C8orf34: variants seen among roughly 807,000 people sequenced by gnomAD.
C8orf34 encodes the protein uncharacterized protein C8orf34.
A neutral mutation model predicts 68.3 loss-of-function variants in C8orf34; 65 were observed. The ratio of observed to expected loss-of-function variants is 0.95; its 90% CI spans 0.78 to 1.17. C8orf34 has a LOEUF of 1.17. Among genes scored for constraint, C8orf34 ranks in the 50% most tolerant of loss-of-function variants. The probability of loss-of-function intolerance (pLI) is 0.00; values close to 1 mark genes in which losing one functional copy is unlikely to be tolerated. For synonymous variants in C8orf34, 244 were observed against 241.2 expected, an observed-to-expected ratio of 1.01 and a Z score of -0.11; for missense variants, 664 against 655.4, an observed-to-expected ratio of 1.01 and a Z score of -0.14.
At position 68,801,277 on chromosome 8, in the gene C8orf34, A is replaced by T. The variant is rs117733144; in HGVS notation, c.1549+13741A>T. On this transcript the variant is annotated intron_variant, in intron 12 of 13. Transcript: ENST00000518698. Reference sequence around the variant, plus strand: ...TTTAACAAAAATAAATTTAACATTTAAAAATTAGGAGATCTCAAAAAGTTT... The same window carrying T: ...TTTAACAAAAATAAATTTAACATTTTAAAATTAGGAGATCTCAAAAAGTTT... 3.2e-3 allele frequency among the ~76,000 whole-genome samples: 483 copies of T among 152,314 alleles called. 20 individuals are homozygous for T. In the East Asian group the frequency reaches 0.077, roughly 24 times the overall value.
chr8:68,791,645 A>T (rs1482561376), intron 12 of C8orf34: 3 of 152,262 alleles, frequency 2.0e-5, no homozygotes, highest in Non-Finnish European at 2.9e-5. Context: ...TAAAGAAATA[A>T]TAGCCAAAGT....
At chr8:68,563,711 A>G (rs1404034896) in intron 7 of C8orf34, among the ~76,000 whole-genome samples, 1 of 151,968 alleles carries the variant, frequency 6.6e-6, no homozygotes, top group African/African-American at 2.4e-5. Flanking sequence ...CTCATGTTGT[A>G]TTATGTTGCA....
chr8:68,703,089 T>C (rs1415843219), intron 8 of C8orf34, among the ~76,000 whole-genome samples: 1 of 152,164 alleles, frequency 6.6e-6, no homozygotes, highest in Non-Finnish European at 1.5e-5. Context: ...CTAGTCCATC[T>C]TCCTTAAGTC....
intron 5 of C8orf34, among the ~76,000 whole-genome samples, chr8:68,490,395 G>A (rs1813261041): frequency 6.6e-6 from 1 of 151,964 alleles, no homozygotes; most frequent in Admixed American, 6.6e-5. Flanking sequence ...AATTTTAACT[G>A]TTCTTGGAAC....
intron 1 of C8orf34, among the ~76,000 whole-genome samples, chr8:68,344,050 C>G (rs566107527): frequency 1.3e-5 from 2 of 152,206 alleles, no homozygotes; most frequent in Admixed American, 1.3e-4. Flanking sequence ...TACCAAATAT[C>G]AGTGTTCATA....
chr8:68,503,281 G>A (rs957809861), intron 5 of C8orf34, among the ~76,000 whole-genome samples: 3 of 151,886 alleles, frequency 2.0e-5, no homozygotes, highest in East Asian at 1.9e-4. Context: ...TATTACATTT[G>A]TTTACCAAAA....
intron 8 of C8orf34, among the ~76,000 whole-genome samples, chr8:68,698,604 AAAG>A (rs1418728361): frequency 6.6e-6 from 1 of 152,104 alleles, no homozygotes; most frequent in Non-Finnish European, 1.5e-5. Context: ...TCTATGATTA[AAAG>A]AAGAAATCAG....
chr8:68,395,721 A>G (rs1808677462), intron 1 of C8orf34, among the ~76,000 whole-genome samples: 1 of 152,118 alleles, frequency 6.6e-6, no homozygotes, highest in South Asian at 2.1e-4. Context: ...CATTAGAACT[A>G]TATTATAAGA....
intron 12 of C8orf34, among the ~76,000 whole-genome samples, chr8:68,810,560 C>T (rs1474340571): frequency 6.6e-6 from 1 of 152,178 alleles, no homozygotes; most frequent in African/African-American, 2.4e-5. Context: ...TGTCTCAACC[C>T]TGTTTGTGTT....
At chr8:68,533,928 T>G (rs1815355788) in intron 7 of C8orf34, 2 of 864,956 alleles carry the variant, frequency 2.3e-6, no homozygotes, top group African/African-American at 3.7e-5. Context: ...TTCAAATACT[T>G]TATAACAATA....
chr8:68,336,499 T>C (rs1805857937), intron 1 of C8orf34, among the ~76,000 whole-genome samples: 1 of 152,186 alleles, frequency 6.6e-6, no homozygotes, highest in East Asian at 1.9e-4. Context: ...ATGAACCTTG[T>C]TGTGTTGGAT....
At chr8:68,661,872 C>A (rs1819690272) in intron 8 of C8orf34, among the ~76,000 whole-genome samples, 1 of 151,992 alleles carries the variant, frequency 6.6e-6, no homozygotes, top group Non-Finnish European at 1.5e-5. Flanking sequence ...CAGGACATAC[C>A]ACCCAAAAAT....
chr8:68,771,131 G>A (rs951801033), intron 10 of C8orf34, among the ~76,000 whole-genome samples: 1 of 152,150 alleles, frequency 6.6e-6, no homozygotes, highest in Non-Finnish European at 1.5e-5. Context: ...ATATATGTAG[G>A]TCTGAAAACA....
At chr8:68,349,538 C>A (rs1806422562) in intron 1 of C8orf34, among the ~76,000 whole-genome samples, 2 of 151,714 alleles carry the variant, frequency 1.3e-5, no homozygotes, top group Admixed American at 1.3e-4. Context: ...GGGAAATATT[C>A]CAGTAGGAAT....
rs188518809 is a variant in C8orf34 at position 68,456,034 on chromosome 8, A to G, written c.607+9574A>G. 3.9e-3 allele frequency among the ~76,000 whole-genome samples: 591 copies of G among 151,298 alleles called. 3 individuals are homozygous for G. The highest frequency in any genetic ancestry group is 0.016 in the Admixed American group (242 of 15,164). On this transcript the variant is annotated intron_variant, in intron 3 of 13. Coordinates refer to ENST00000518698, the MANE Select transcript of C8orf34 (RefSeq NM_052958.4). ...GTGGAGGCAGGTGGATCACGAGGTC[A>G]GGAGATTGAGACCATCCTGGCTAAC...
rs1033658895 is a variant in C8orf34, at chr8:68,601,761, A to G, written c.1106-38615A>G. Among the ~76,000 whole-genome samples, 3 of 151,996 alleles carry G rather than the reference A, an allele frequency of 2.0e-5. No homozygotes were observed. The South Asian group carries it at 6.2e-4, about 32-fold the overall frequency. On this transcript the variant is annotated intron_variant, in intron 7 of 13. Transcript: ENST00000518698. Reference sequence around the variant, plus strand: ...TCTCTTGGGTGTCTTTTCTCATTCAAGTTGTGATTTTCCTGATTCTTGGTA... The same window carrying G: ...TCTCTTGGGTGTCTTTTCTCATTCAGGTTGTGATTTTCCTGATTCTTGGTA...
chr8:68,628,134 C>T (rs1818590603), intron 7 of C8orf34, among the ~76,000 whole-genome samples: 2 of 152,150 alleles, frequency 1.3e-5, no homozygotes, highest in East Asian at 3.9e-4. Context: ...ACTTAAATTC[C>T]ACCAGACCCT....
chr8:68,473,137 A>T (rs1812452261), intron 4 of C8orf34, among the ~76,000 whole-genome samples: 1 of 152,152 alleles, frequency 6.6e-6, no homozygotes, highest in Non-Finnish European at 1.5e-5. Flanking sequence ...GAGGGCACAG[A>T]CACAACAAGA....
chr8:68,747,479 G>C (rs1043528480), intron 10 of C8orf34, among the ~76,000 whole-genome samples: 2 of 146,812 alleles, frequency 1.4e-5, no homozygotes, highest in Non-Finnish European at 3.0e-5. Context: ...TGTATATCTA[G>C]AAAACCCCAT....
Sources: allele counts gnomAD v4.1 joint callset (sites outside exome capture counted in the v4.1 genomes callset), GRCh38; gene constraint gnomAD v4.1.1; transcripts MANE v1.5; gene names NCBI Gene and HGNC (gene_info 2026-07-23, HGNC 2026-07-21).